The following ERC1 variants were observed in gnomAD, a reference collection of about 807,000 sequenced individuals.
The protein encoded by ERC1 is RAB6 interacting protein 2.
A neutral mutation model predicts 132.0 loss-of-function variants in ERC1; 56 were observed. That is an observed-to-expected ratio of 0.42 (90% CI 0.34 to 0.53). ERC1 has a LOEUF of 0.53. Ranked by LOEUF, ERC1 falls within the 20% of genes least tolerant of loss-of-function variation. The pLI is 0.03. For synonymous variants in ERC1, 478 were observed against 476.1 expected (o/e 1.00, Z -0.05); for missense variants, 1,202 against 1,349.9 (o/e 0.89, Z 1.72).
intron 7 of ERC1, among the ~76,000 whole-genome samples, chr12:1,126,708 G>A (rs756137954): frequency 6.6e-6 from 1 of 152,110 alleles, no homozygotes; most frequent in Non-Finnish European, 1.5e-5. Flanking sequence ...AGATGCTTGA[G>A]GCTAGGTGTG....
At chr12:1,385,409 A>G (rs1242165730) in intron 16 of ERC1, among the ~76,000 whole-genome samples, 5 of 151,890 alleles carry the variant, frequency 3.3e-5, no homozygotes, top group African/African-American at 9.7e-5. Flanking sequence ...CAGCCTCCCG[A>G]GTAGCTGGGA....
intron 13 of ERC1, among the ~76,000 whole-genome samples, chr12:1,246,988 G>A (rs926031230): frequency 6.6e-5 from 10 of 152,326 alleles, no homozygotes; most frequent in South Asian, 2.1e-4. Context: ...AATTAGCTGG[G>A]TATAGTGGTG....
At chr12:1,347,828 CAAA>C (rs1228676115) in intron 15 of ERC1, among the ~76,000 whole-genome samples, 5 of 152,052 alleles carry the variant, frequency 3.3e-5, no homozygotes, top group Non-Finnish European at 5.9e-5. Context: ...ACTAAAAATA[CAAA>C]AATTAGCCAG....
chr12:1,340,518 G>A (rs1320457057), intron 15 of ERC1, among the ~76,000 whole-genome samples: 1 of 152,148 alleles, frequency 6.6e-6, no homozygotes, highest in African/African-American at 2.4e-5. Context: ...GAGGCCCGTA[G>A]CAAGAACAGA....
chr12:1,311,450 A>T (rs2081296728), intron 15 of ERC1, among the ~76,000 whole-genome samples: 1 of 145,540 alleles, frequency 6.9e-6, no homozygotes, highest in Admixed American at 6.8e-5. Context: ...TATGCCTAAG[A>T]TAGCAAGAGA....
chr12:1,034,937 C>G (rs561014695), intron 2 of ERC1, among the ~76,000 whole-genome samples: 1 of 152,292 alleles, frequency 6.6e-6, no homozygotes, highest in East Asian at 1.9e-4. Context: ...GTGAACACCG[C>G]CTTATCTAGA....
intron 12 of ERC1, among the ~76,000 whole-genome samples, chr12:1,230,854 AT>A (rs1331941049): frequency 1.3e-5 from 2 of 152,166 alleles, no homozygotes; most frequent in African/African-American, 2.4e-5. Context: ...CTGAAAGTCT[AT>A]TGTGTCTGAT....
At chr12:1,436,971 G>GATAT (rs140955841) in intron 17 of ERC1, among the ~76,000 whole-genome samples, 149 of 149,288 alleles carry the variant, frequency 1.0e-3, no homozygotes, top group African/African-American at 2.6e-3. Context: ...AAGCCATTCA[G>GATAT]ATATATATAT....
At chr12:999,138 G>A (rs11064634) in intron 1 of ERC1, among the ~76,000 whole-genome samples, 83,223 of 151,856 alleles carry the variant, frequency 0.55, 23,888 homozygotes, top group East Asian at 0.79. Context: ...GGGATTATAG[G>A]CGTGAGCCAC....
chr12:1,081,285 C>A (rs1228620839), intron 2 of ERC1, among the ~76,000 whole-genome samples: 1 of 152,154 alleles, frequency 6.6e-6, no homozygotes, highest in African/African-American at 2.4e-5. Context: ...AGCTAAAGAT[C>A]TACCCTCTCA....
At chr12:1,347,259 C>A (rs115933603) in intron 15 of ERC1, among the ~76,000 whole-genome samples, 1 of 152,214 alleles carries the variant, frequency 6.6e-6, no homozygotes, top group African/African-American at 2.4e-5. Flanking sequence ...GGAAGTTGAT[C>A]GCTTCTTGGC....
At chr12:1,275,090 A>G (rs2078170693) in intron 14 of ERC1, among the ~76,000 whole-genome samples, 1 of 152,220 alleles carries the variant, frequency 6.6e-6, no homozygotes, top group South Asian at 2.1e-4. Flanking sequence ...ACCAGAATAT[A>G]TAGGATAGTC....
At chr12:1,211,350 T>C (rs1191638530) in intron 12 of ERC1, among the ~76,000 whole-genome samples, 1 of 152,006 alleles carries the variant, frequency 6.6e-6, no homozygotes, top group South Asian at 2.1e-4. Context: ...GTTTCTCCAT[T>C]GTTGGTCAGG....
chr12:994,197 CATT>C (rs564190894), intron 1 of ERC1, among the ~76,000 whole-genome samples: 197 of 148,658 alleles, frequency 1.3e-3, no homozygotes, highest in African/African-American at 4.5e-3. Context: ...TCATCAGAAA[CATT>C]AATGGAAAAA....
chr12:1,405,478 C>T (rs942034229), intron 16 of ERC1, among the ~76,000 whole-genome samples: 9 of 150,908 alleles, frequency 6.0e-5, no homozygotes, highest in African/African-American at 1.7e-4. Context: ...CCAAAGCAGG[C>T]GGATTATATG....
At chr12:1,231,431 CTAGT>C (rs2075030281) in intron 12 of ERC1, among the ~76,000 whole-genome samples, 1 of 152,038 alleles carries the variant, frequency 6.6e-6, no homozygotes, top group African/African-American at 2.4e-5. Flanking sequence ...AACTTTTATG[CTAGT>C]TAAAATTGAT....
At chr12:1,022,677 C>T (rs1966556443) in intron 1 of ERC1, among the ~76,000 whole-genome samples, 1 of 152,080 alleles carries the variant, frequency 6.6e-6, no homozygotes, top group African/African-American at 2.4e-5. Context: ...TTTATTTTTT[C>T]TTTTTTGAGA....
intron 14 of ERC1, among the ~76,000 whole-genome samples, chr12:1,272,809 G>A (rs993285849): frequency 1.4e-4 from 21 of 151,870 alleles, no homozygotes; most frequent in African/African-American, 4.6e-4. Context: ...TTAGCTGGGC[G>A]CAGTGCTAGG....
At chr12:1,353,015 C>CTTCTT (rs1292682012) in intron 15 of ERC1, among the ~76,000 whole-genome samples, 7 of 145,742 alleles carry the variant, frequency 4.8e-5, no homozygotes, top group South Asian at 2.2e-4. Flanking sequence ...GCAATCAAGT[C>CTTCTT]TTCTTTTCTT....
Sources: gnomAD v4.1 joint callset for allele counts (sites outside exome capture counted in the v4.1 genomes callset) on GRCh38, gnomAD v4.1.1 for gene constraint, MANE v1.5 for transcripts, NCBI Gene and HGNC (gene_info 2026-07-23, HGNC 2026-07-21) for gene names.